Variants in ZNF740 observed in about 807,000 individuals in gnomAD.
ZNF740 encodes the protein oriLyt TD-element-binding protein 7.
ZNF740 carries 14 observed loss-of-function variants against 24.8 expected under a neutral mutation model. That is an observed-to-expected ratio of 0.56 (90% CI 0.37 to 0.88). The LOEUF is 0.88. Among genes scored for constraint, ZNF740 ranks in the 40% least tolerant of loss-of-function variants. ZNF740 has a pLI of 0.00. For synonymous variants in ZNF740, 69 were observed against 84.0 expected (o/e 0.82, Z 0.98); for missense variants, 201 against 247.9 (o/e 0.81, Z 1.27).
chr12:53,194,183 C>T lies in ZNF740; in HGVS notation c.*6593C>T, dbSNP rs1942075195. ...TCCCCCTGCCCGCCTTCTGCCTGTG[C>T]TTGCTGGCTCTCACCGTCTGGTTGA... is the stretch of plus-strand genomic sequence containing the variant. On this transcript the variant is annotated 3_prime_UTR_variant, in exon 7 of 7. Coordinates refer to ENST00000416904, the MANE Select transcript of ZNF740 (RefSeq NM_001004304.4). 1 of 1,613,954 alleles carries T rather than the reference C, an allele frequency of 6.2e-7. No individual in the cohort carries two copies. The highest frequency in any genetic ancestry group is 1.3e-5 in the African/African-American group (1 of 75,006).
intron 2 of ZNF740, among the ~76,000 whole-genome samples, chr12:53,183,305 A>G (rs1941734225): frequency 6.6e-6 from 1 of 152,346 alleles, no homozygotes; most frequent in African/African-American, 2.4e-5. Context: ...TAAGGAAACT[A>G]AGGCTTGCAA....
At position 53,194,175 on chromosome 12, in the gene ZNF740, T is replaced by C; in HGVS notation, c.*6585T>C. 1.9e-6 allele frequency: 3 copies of C among 1,613,814 alleles called. No individual in the cohort carries two copies. The highest frequency in any genetic ancestry group is 2.5e-6 in the Non-Finnish European group (3 of 1,179,764). On this transcript the variant is annotated 3_prime_UTR_variant, in exon 7 of 7. Coordinates refer to ENST00000416904, the MANE Select transcript of ZNF740 (RefSeq NM_001004304.4). ...CTCCCACCTCCCCCTGCCCGCCTTC[T>C]GCCTGTGCTTGCTGGCTCTCACCGT...
Position 53,184,150 on chromosome 12 carries a change from T to TGTGTGTGTGTGTGTGCGC in ZNF740, c.10-740_10-739insTGTGTGTGTGTGTGCGCG, listed in dbSNP as rs59250662. Among the ~76,000 whole-genome samples the TGTGTGTGTGTGTGTGCGC allele has an allele frequency of 3.4e-4, 35 of 104,420 alleles. No individual in the cohort carries two copies. The East Asian group carries it at 3.9e-3, about 12-fold the overall frequency. 68.5% of individuals were successfully genotyped at this position (104,420 alleles called of 152,430 possible). ...GTGTGTGTGTGTGTGTGTGTGTGTG[T>TGTGTGTGTGTGTGTGCGC]GCGCGCGCGCGCTCTGAAGCTAAGG... On this transcript the variant is annotated intron_variant, in intron 2 of 6. Transcript: ENST00000416904.
rs1404282131 is a variant in ZNF740 at position 53,180,739 on chromosome 12, C to T, written c.-406C>T. On this transcript the variant is annotated 5_prime_UTR_variant, in exon 1 of 7. Coordinates refer to ENST00000416904, the MANE Select transcript of ZNF740 (RefSeq NM_001004304.4). Reference sequence around the variant, plus strand: ...TGGTGTTTGTAAACTTGCCTCGGTCCCGGTGGGGGCAGCCGCGGCGGTGGG... The same window carrying T: ...TGGTGTTTGTAAACTTGCCTCGGTCTCGGTGGGGGCAGCCGCGGCGGTGGG... 3.2e-6 allele frequency: 4 copies of T among 1,263,830 alleles called. No homozygotes were observed. In the East Asian group the frequency reaches 1.9e-4, roughly 60 times the overall value. 78.3% of individuals were successfully genotyped at this position (1,263,830 alleles called of 1,614,324 possible).
At chr12:53,187,416 T>G (rs1941844991) in intron 6 of ZNF740, 85 bp from the exon 7 acceptor site, 1 of 1,077,594 alleles carries the variant, frequency 9.3e-7, no homozygotes, top group Non-Finnish European at 1.4e-6. Flanking sequence ...GAGAATGTGG[T>G]ATCTGCCTCC....
intron 2 of ZNF740, 58 bp from the exon 3 acceptor site, chr12:53,184,833 A>G: frequency 6.4e-7 from 1 of 1,565,800 alleles, no homozygotes; most frequent in Middle Eastern, 1.7e-4. Flanking sequence ...AGAGGATGGC[A>G]GTCTGTTTTT....
rs1942108174 is a variant in ZNF740, at chr12:53,194,985, A to G, written c.*7395A>G. 9.4e-6 allele frequency: 2 copies of G among 213,554 alleles called. No homozygotes were observed. The highest frequency in any genetic ancestry group is 1.9e-5 in the Non-Finnish European group (2 of 105,032). 13.2% of individuals were successfully genotyped at this position (213,554 alleles called of 1,614,324 possible). A position where few individuals can be genotyped will look rare whatever the true frequency, so the allele number is the denominator to read the frequency against. Reference sequence around the variant, plus strand: ...GTTTGTTATCTTTGTGACCTTGGACAAGTCACTTAGCCTCCTTGTGTGGGT... The same window carrying G: ...GTTTGTTATCTTTGTGACCTTGGACGAGTCACTTAGCCTCCTTGTGTGGGT... On this transcript the variant is annotated 3_prime_UTR_variant, in exon 7 of 7. Coordinates refer to ENST00000416904, the MANE Select transcript of ZNF740 (RefSeq NM_001004304.4).
In ZNF740 at chr12:53,191,105, C is replaced by G. The variant is rs931703346; in HGVS notation, c.*3515C>G. 1.9e-5 allele frequency: 4 copies of G among 207,076 alleles called. No individual in the cohort carries two copies. The Admixed American group carries it at 2.1e-4, about 11-fold the overall frequency. The allele number at this position is 207,076 out of a possible 1,614,324, so 12.8% of individuals were successfully genotyped here. The stretch of plus-strand genomic sequence containing the variant: ...CAGATGCAGTGTCTCTGACCTGGGA[C>G]CCCCCTGCATCCGCAGCACTTGAGA... On this transcript the variant is annotated 3_prime_UTR_variant, in exon 7 of 7. Coordinates refer to ENST00000416904, the MANE Select transcript of ZNF740 (RefSeq NM_001004304.4).
rs1166553966 is a variant in ZNF740, at chr12:53,193,220, C to G, written c.*5630C>G. The G allele has an allele frequency of 6.2e-7, 1 of 1,614,170 alleles. No individual in the cohort carries two copies. Among genetic ancestry groups the G allele is most frequent in the African/African-American group, 1.3e-5 (1 of 75,034 alleles). On this transcript the variant is annotated 3_prime_UTR_variant, in exon 7 of 7. Transcript: ENST00000416904. ...ATGCCCAGAGCTCTGTCCACTGCAGCTGCAGCGTCCACATTGACAGTGACC... is the reference window on the plus strand; with the variant it reads ...ATGCCCAGAGCTCTGTCCACTGCAGGTGCAGCGTCCACATTGACAGTGACC...
chr12:53,184,042 GAAAC>G (rs969355542), intron 2 of ZNF740, among the ~76,000 whole-genome samples: 7 of 150,732 alleles, frequency 4.6e-5, no homozygotes, highest in South Asian at 2.1e-4. Context: ...AGCAAAAAAT[GAAAC>G]AAACCGATAG....
chr12:53,181,351 C>T, intron 1 of ZNF740: 12 of 985,428 alleles, frequency 1.2e-5, no homozygotes, highest in Non-Finnish European at 1.4e-5. Flanking sequence ...CTGTAAAGTG[C>T]GAGCTTTTCG....
intron 6 of ZNF740, 51 bp downstream of exon 6, chr12:53,186,560 G>T: frequency 7.0e-7 from 1 of 1,437,044 alleles, no homozygotes. Flanking sequence ...CCTTCCCCAA[G>T]AATCAGGGCC....
At chr12:53,183,256 A>T (rs1169783758) in intron 2 of ZNF740, among the ~76,000 whole-genome samples, 2 of 152,292 alleles carry the variant, frequency 1.3e-5, no homozygotes, top group East Asian at 3.9e-4. Flanking sequence ...CTTTTCATCA[A>T]CCCTGTAAGG....
chr12:53,186,250 C>T (rs1198238440), intron 5 of ZNF740, 141 bp from the exon 6 acceptor site: 32 of 1,141,638 alleles, frequency 2.8e-5, no homozygotes, highest in Non-Finnish European at 3.8e-5. Context: ...TCACTGAGAC[C>T]AGCACCTTTG....
At chr12:53,180,878 A>G (rs1382309292) in intron 1 of ZNF740, 41 bp downstream of exon 1, 3 of 1,201,090 alleles carry the variant, frequency 2.5e-6, no homozygotes, top group Non-Finnish European at 3.2e-6. Context: ...GTCCGTACAG[A>G]CGGCAGCGCT....
rs913582653 is a variant in ZNF740 at position 53,185,917 on chromosome 12, G to A, written c.250-37G>A. On this transcript the variant is annotated intron_variant, in intron 4 of 6. Coordinates refer to ENST00000416904, the MANE Select transcript of ZNF740 (RefSeq NM_001004304.4). ...GAACAGTGTCTCCAGGAAGAGGGCA[G>A]TGGTGGCCTCATGACATGCCTGATT... 4 of 1,609,922 alleles carry A rather than the reference G, an allele frequency of 2.5e-6. No individual in the cohort carries two copies. In the African/African-American group the frequency reaches 5.3e-5, roughly 21 times the overall value.
At chr12:53,183,843 G>A (rs1022082932) in intron 2 of ZNF740, among the ~76,000 whole-genome samples, 2 of 152,024 alleles carry the variant, frequency 1.3e-5, no homozygotes, top group Non-Finnish European at 1.5e-5. Context: ...AGGCAACATG[G>A]TGAAACCCCG....
At chr12:53,185,574 T>A in intron 4 of ZNF740, 98 bp downstream of exon 4, 1 of 1,132,084 alleles carries the variant, frequency 8.8e-7, no homozygotes, top group Non-Finnish European at 1.3e-6. Flanking sequence ...TTTCCCTAGA[T>A]GCTTTGATCT....
At chr12:53,181,102 A>T in intron 1 of ZNF740, 1 of 938,902 alleles carries the variant, frequency 1.1e-6, no homozygotes, top group Non-Finnish European at 1.3e-6. Flanking sequence ...GCTTCTCGGC[A>T]CTCTCCGGCT....
Sources: gnomAD v4.1 joint callset for allele counts (sites outside exome capture counted in the v4.1 genomes callset) on GRCh38, gnomAD v4.1.1 for gene constraint, MANE v1.5 for transcripts, NCBI Gene and HGNC (gene_info 2026-07-23, HGNC 2026-07-21) for gene names.